MROH7: variants seen among roughly 807,000 people sequenced by gnomAD.
MROH7 encodes the protein maestro heat like repeat family member 7.
A neutral mutation model predicts 129.2 loss-of-function variants in MROH7; 113 were observed. The observed-to-expected ratio is 0.87, with a 90% CI of 0.75 to 1.02. The LOEUF (loss-of-function observed/expected upper bound fraction) is 1.02. Ranked by LOEUF, MROH7 falls within the 50% of genes least tolerant of loss-of-function variation. The pLI, the probability that MROH7 is intolerant of heterozygous loss-of-function variation, is 0.00. For synonymous variants in MROH7, 655 were observed against 667.9 expected (o/e 0.98, Z 0.30); for missense variants, 1,601 against 1,671.3 (o/e 0.96, Z 0.73).
intron 1 of MROH7, among the ~76,000 whole-genome samples, chr1:54,645,622 C>T (rs564914214): frequency 1.2e-4 from 18 of 149,982 alleles, no homozygotes; most frequent in Non-Finnish European, 2.2e-4. Flanking sequence ...ACTGTAGCTC[C>T]AATGATATTT....
Position 54,679,350 on chromosome 1 carries a change from G to A in MROH7, c.2137G>A (p.Gly713Arg). Reference sequence around the variant, plus strand: ...GCTGAAAGGCAGCTCAGAGGCTCCAGGGAAGGACTCCAGGGAGATGATGCA... The same window carrying A: ...GCTGAAAGGCAGCTCAGAGGCTCCAAGGAAGGACTCCAGGGAGATGATGCA... Reference protein sequence around the residue: ...EGLKGSSEAPGKDSREMMQLA... With the variant: ...EGLKGSSEAPRKDSREMMQLA... The change falls in exon 12 of 24, where the codon GGG becomes AGG. Residue 713 changes from glycine to arginine, a missense_variant. Gly to Arg is a moderately radical substitution (Grantham distance 125). Coordinates refer to ENST00000421030, the MANE Select transcript of MROH7 (RefSeq NM_001039464.4). 1 of 1,614,158 alleles carries A rather than the reference G, an allele frequency of 6.2e-7. No individual in the cohort carries two copies. The highest frequency in any genetic ancestry group is 8.5e-7 in the Non-Finnish European group (1 of 1,180,044).
chr1:54,684,502 C>A (rs1188370089), intron 14 of MROH7, among the ~76,000 whole-genome samples: 5 of 152,248 alleles, frequency 3.3e-5, no homozygotes, highest in Admixed American at 6.5e-5. Flanking sequence ...GCTTCTTGTC[C>A]AGCAAGCATA....
intron 9 of MROH7, 94 bp downstream of exon 9, chr1:54,673,899 C>A: frequency 6.6e-7 from 1 of 1,522,526 alleles, no homozygotes; most frequent in Non-Finnish European, 9.1e-7. Context: ...CCAGGTGGCT[C>A]TTGCCATCTT....
chr1:54,688,013 A>G (rs1280760780), intron 15 of MROH7, among the ~76,000 whole-genome samples: 1 of 150,172 alleles, frequency 6.7e-6, no homozygotes, highest in Non-Finnish European at 1.5e-5. Flanking sequence ...TGAAGTCAGG[A>G]GTTCAAGACC....
At chr1:54,670,601 C>A in intron 6 of MROH7, 25 bp downstream of exon 6, 3 of 1,598,904 alleles carry the variant, frequency 1.9e-6, no homozygotes, top group Non-Finnish European at 2.6e-6. Context: ...CTCCCTGTTC[C>A]CACAGCCCCT....
At chr1:54,645,776 C>T (rs151159094) in intron 1 of MROH7, among the ~76,000 whole-genome samples, 7 of 151,432 alleles carry the variant, frequency 4.6e-5, no homozygotes, top group South Asian at 4.2e-4. Flanking sequence ...CTCAGCCTCC[C>T]GAGTAAGGTA....
chr1:54,706,621 C>A, intron 22 of MROH7, 84 bp downstream of exon 22: 1 of 1,012,484 alleles, frequency 9.9e-7, no homozygotes, highest in Non-Finnish European at 1.5e-6. Flanking sequence ...CTAGCCCTTT[C>A]AGCACCTGGG....
chr1:54,683,173 T>C (rs1645097656), intron 14 of MROH7, among the ~76,000 whole-genome samples: 2 of 152,140 alleles, frequency 1.3e-5, no homozygotes, highest in South Asian at 2.1e-4. Flanking sequence ...CTCTTCTCTA[T>C]TTTTTTAAAA....
intron 4 of MROH7, among the ~76,000 whole-genome samples, chr1:54,666,819 T>G (rs1001559262): frequency 1.3e-5 from 2 of 152,120 alleles, no homozygotes. Context: ...ACAGAGATTA[T>G]CTTGTGAAAG....
chr1:54,670,310 A>C (rs1388845121), intron 5 of MROH7, among the ~76,000 whole-genome samples, 187 bp from the exon 6 acceptor site: 2 of 152,222 alleles, frequency 1.3e-5, no homozygotes, highest in African/African-American at 4.8e-5. Context: ...CTCTACAAAA[A>C]ATAAAAATAC....
intron 1 of MROH7, among the ~76,000 whole-genome samples, chr1:54,646,530 C>A (rs1644469977): frequency 6.6e-6 from 1 of 152,130 alleles, no homozygotes; most frequent in African/African-American, 2.4e-5. Context: ...TTCTTTCCAG[C>A]CATCAGAATC....
chr1:54,710,131 C>G lies in MROH7; in HGVS notation c.3916C>G (p.Arg1306Gly). The stretch of plus-strand genomic sequence containing the variant: ...TGAGAACCTGCCCACTTCCCACCAG[C>G]GGCGCTCCTGGATCATGCAGGCACT... The part of the protein sequence containing the change: ...SCENLPTSHQ[R>G]RSWIMQALGS... The change falls in exon 24 of 24, where the codon CGG becomes GGG. Residue 1306 changes from arginine (R) to glycine (G), a missense_variant. By Grantham distance (125) the Arg-to-Gly change is moderately radical. Coordinates refer to ENST00000421030, the MANE Select transcript of MROH7 (RefSeq NM_001039464.4). 6.2e-7 allele frequency: 1 copy of G among 1,613,740 alleles called. No homozygotes were observed. The highest frequency in any genetic ancestry group is 8.5e-7 in the Non-Finnish European group (1 of 1,179,978).
intron 7 of MROH7, 126 bp downstream of exon 7, chr1:54,671,055 G>A (rs1397272891): frequency 9.3e-7 from 1 of 1,076,334 alleles, no homozygotes; most frequent in East Asian, 2.7e-5. Context: ...GTTGGTCTGA[G>A]TAGGTACTTG....
In MROH7 at chr1:54,665,277, G is replaced by T. The variant is rs772849679; in HGVS notation, c.1305+37G>T. 30 of 1,558,388 alleles carry T rather than the reference G, an allele frequency of 1.9e-5. No individual in the cohort carries two copies. In the South Asian group the frequency reaches 3.3e-4, roughly 17 times the overall value. On this transcript the variant is annotated intron_variant, in intron 4 of 23. Coordinates refer to ENST00000421030, the MANE Select transcript of MROH7 (RefSeq NM_001039464.4). ...GCCCAACCCCTAGCTGACTGTGCTG[G>T]GATACTTCCATCCTGCCAACCCCCT... is the stretch of plus-strand genomic sequence containing the variant.
At chr1:54,708,989 C>A (rs1645579721) in intron 22 of MROH7, 25 bp from the exon 23 acceptor site, 1 of 1,612,840 alleles carries the variant, frequency 6.2e-7, no homozygotes, top group South Asian at 1.1e-5. Context: ...AGACAAATGC[C>A]CTCACTTCTT....
At chr1:54,683,542 C>T (rs1645103030) in intron 14 of MROH7, among the ~76,000 whole-genome samples, 1 of 152,150 alleles carries the variant, frequency 6.6e-6, no homozygotes, top group African/African-American at 2.4e-5. Flanking sequence ...GTACTGCAGC[C>T]AAAAAGTCTT....
chr1:54,663,894 G>T (rs541172134), intron 3 of MROH7: 81 of 397,768 alleles, frequency 2.0e-4, no homozygotes, highest in South Asian at 1.4e-3. Context: ...ACTACAATTG[G>T]TGTATCTACT....
intron 17 of MROH7, chr1:54,695,787 G>A (rs1645313030): frequency 2.4e-6 from 1 of 409,840 alleles, no homozygotes; most frequent in African/African-American, 2.0e-5. Flanking sequence ...ACTCTACCCT[G>A]CCCTCAAGGA....
In MROH7 at chr1:54,653,354, A is replaced by T; in HGVS notation, c.428A>T (p.Asn143Ile). 6.2e-7 allele frequency: 1 copy of T among 1,614,086 alleles called. No homozygotes were observed. Among genetic ancestry groups the T allele is most frequent in the Non-Finnish European group, 8.5e-7 (1 of 1,180,014 alleles). The change falls in exon 3 of 24, where the codon AAC becomes ATC. Residue 143 changes from asparagine (N) to isoleucine (I), a missense_variant. Transcript: ENST00000421030. ...STEAPRLSSG[N>I]HPQSNSEDAF... The stretch of plus-strand genomic sequence containing the variant: ...GAGGCCCCTCGTCTGAGCTCTGGGA[A>T]CCACCCTCAGTCAAATTCTGAAGAT...
Sources: gnomAD v4.1 joint callset for allele counts (sites outside exome capture counted in the v4.1 genomes callset) on GRCh38, gnomAD v4.1.1 for gene constraint, MANE v1.5 for transcripts, NCBI Gene and HGNC (gene_info 2026-07-23, HGNC 2026-07-21) for gene names.